The following MAGI2 variants were observed in gnomAD, a reference collection of about 807,000 sequenced individuals.
MAGI2 encodes membrane associated guanylate kinase, WW and PDZ domain containing 2.
In MAGI2, 35 loss-of-function variants were observed where a neutral mutation model predicts 133.3. The ratio of observed to expected loss-of-function variants is 0.26; its 90% CI spans 0.20 to 0.35. The LOEUF is 0.35. Ranked by LOEUF, MAGI2 falls within the 10% of genes least tolerant of loss-of-function variation. The probability of loss-of-function intolerance (pLI) is 1.00; values close to 1 mark genes in which losing one functional copy is unlikely to be tolerated. For synonymous variants in MAGI2, 729 were observed against 710.6 expected, an observed-to-expected ratio of 1.03 and a Z score of -0.41; for missense variants, 1,636 against 1,863.4, an observed-to-expected ratio of 0.88 and a Z score of 2.25.
intron 2 of MAGI2, among the ~76,000 whole-genome samples, chr7:78,966,459 G>A (rs1363290146): frequency 6.6e-6 from 1 of 152,038 alleles, no homozygotes; most frequent in Non-Finnish European, 1.5e-5. Flanking sequence ...ATTTCATTTA[G>A]CATAATATCC....
intron 10 of MAGI2, chr7:78,252,657 T>C (rs925621111): frequency 2.6e-5 from 4 of 151,588 alleles, no homozygotes; most frequent in South Asian, 2.1e-4. Flanking sequence ...AAAAAAAAAC[T>C]TGGGCCAGGC....
At chr7:79,289,465 T>C (rs2129558627) in intron 1 of MAGI2, among the ~76,000 whole-genome samples, 1 of 152,324 alleles carries the variant, frequency 6.6e-6, no homozygotes, top group East Asian at 1.9e-4. Context: ...TATTTCATAT[T>C]ACTGAGATCG....
chr7:78,947,490 A>G (rs1352517688), intron 2 of MAGI2, among the ~76,000 whole-genome samples: 1 of 152,150 alleles, frequency 6.6e-6, no homozygotes, highest in East Asian at 1.9e-4. Context: ...TTCTGATGAA[A>G]TGTTAGCCCA....
intron 2 of MAGI2, among the ~76,000 whole-genome samples, chr7:78,923,297 G>A (rs1276394946): frequency 6.6e-6 from 1 of 152,118 alleles, no homozygotes; most frequent in Non-Finnish European, 1.5e-5. Flanking sequence ...GTAATGCCTA[G>A]GTTTTCTTCT....
chr7:78,070,200 TATATATATATATATATATACACAC>T (rs1201577157), intron 21 of MAGI2, among the ~76,000 whole-genome samples: 25 of 35,520 alleles, frequency 7.0e-4, no homozygotes, highest in East Asian at 2.5e-3. Context: ...TATATATATA[TATATATATATATATATATACACAC>T]ACACACACAG....
intron 5 of MAGI2, among the ~76,000 whole-genome samples, chr7:78,492,030 C>T (rs537267156): frequency 2.6e-5 from 4 of 151,828 alleles, no homozygotes; most frequent in Non-Finnish European, 5.9e-5. Flanking sequence ...TTCCTCTTTT[C>T]GGAGAAAAGT....
At chr7:79,276,644 G>A (rs1275907451) in intron 1 of MAGI2, among the ~76,000 whole-genome samples, 1 of 152,150 alleles carries the variant, frequency 6.6e-6, no homozygotes, top group Non-Finnish European at 1.5e-5. Context: ...AAGTTACTGT[G>A]AATATTGTTG....
intron 2 of MAGI2, among the ~76,000 whole-genome samples, chr7:78,891,522 A>T (rs956839206): frequency 6.6e-6 from 1 of 152,152 alleles, no homozygotes; most frequent in South Asian, 2.1e-4. Flanking sequence ...TCAAAAAGCT[A>T]ATCCACCATG....
chr7:79,188,766 GA>G (rs1827390388), intron 1 of MAGI2, among the ~76,000 whole-genome samples: 2 of 151,760 alleles, frequency 1.3e-5, no homozygotes, highest in Non-Finnish European at 2.9e-5. Context: ...AACATTAAAT[GA>G]AAAATGTAAA....
At chr7:78,360,531 C>T (rs769963236) in intron 7 of MAGI2, among the ~76,000 whole-genome samples, 1 of 152,192 alleles carries the variant, frequency 6.6e-6, no homozygotes. Context: ...CATGTTTAAT[C>T]TCGAGAGAGG....
At chr7:79,372,621 A>AAG (rs1315225451) in intron 1 of MAGI2, among the ~76,000 whole-genome samples, 2 of 152,046 alleles carry the variant, frequency 1.3e-5, no homozygotes, top group East Asian at 3.9e-4. Flanking sequence ...ATGGAAGGTG[A>AAG]TTTTGGAATA....
chr7:79,125,850 A>C (rs1272851449), intron 1 of MAGI2: 2 of 469,786 alleles, frequency 4.3e-6, no homozygotes, highest in African/African-American at 2.0e-5. Context: ...TTAGCAGAAG[A>C]GGAGAGCCAG....
At chr7:78,208,941 G>A (rs983495269) in intron 10 of MAGI2, among the ~76,000 whole-genome samples, 20 of 151,952 alleles carry the variant, frequency 1.3e-4, no homozygotes, top group Non-Finnish European at 2.6e-4. Flanking sequence ...ACAGGAACCT[G>A]GCCGGGCGCG....
intron 1 of MAGI2, among the ~76,000 whole-genome samples, chr7:79,153,900 G>T (rs367819728): frequency 2.0e-4 from 31 of 152,096 alleles, no homozygotes; most frequent in African/African-American, 7.2e-4. Context: ...ACACCAAAAT[G>T]GAATAATTAA....
intron 6 of MAGI2, among the ~76,000 whole-genome samples, chr7:78,380,388 A>G (rs957018399): frequency 6.6e-6 from 1 of 152,134 alleles, no homozygotes; most frequent in East Asian, 1.9e-4. Context: ...TGTGCTATAT[A>G]TATACAATGG....
intron 1 of MAGI2, among the ~76,000 whole-genome samples, chr7:79,334,745 C>T (rs538211193): frequency 8.5e-5 from 13 of 152,214 alleles, no homozygotes; most frequent in Admixed American, 2.0e-4. Flanking sequence ...ATGAAAACTA[C>T]GTGATGCTTC....
chr7:78,597,063 A>C (rs1804683575), intron 3 of MAGI2, among the ~76,000 whole-genome samples: 1 of 152,228 alleles, frequency 6.6e-6, no homozygotes, highest in South Asian at 2.1e-4. Context: ...AGAAATGGCT[A>C]TTAGGATGCA....
intron 10 of MAGI2, among the ~76,000 whole-genome samples, chr7:78,244,791 A>G (rs1791580948): frequency 6.6e-6 from 1 of 152,070 alleles, no homozygotes; most frequent in Admixed American, 6.6e-5. Context: ...TCATAGTGAT[A>G]AGTCAAAGGA....
chr7:78,786,999 GAGTGTAGTGGCGCGATCTC>G, intron 2 of MAGI2, among the ~76,000 whole-genome samples: 1 of 151,930 alleles, frequency 6.6e-6, no homozygotes, highest in African/African-American at 2.4e-5. Flanking sequence ...TGCCAAGCTG[GAGTGTAGTGGCGCGATCTC>G]GGCTCACTGC....
Sources: gnomAD v4.1 joint callset for allele counts (sites outside exome capture counted in the v4.1 genomes callset) on GRCh38, gnomAD v4.1.1 for gene constraint, MANE v1.5 for transcripts, NCBI Gene and HGNC (gene_info 2026-07-23, HGNC 2026-07-21) for gene names.